Variants in DENND5A observed in about 807,000 individuals in gnomAD.
The protein encoded by DENND5A is DENN domain containing 5A, also known as DENN domain-containing protein 5A.
Under a neutral mutation model 140.3 loss-of-function variants are expected in DENND5A, and 64 were observed. The observed-to-expected ratio is 0.46, with a 90% confidence interval of 0.37 to 0.56. DENND5A has a LOEUF of 0.56. Among genes scored for constraint, DENND5A ranks in the 20% least tolerant of loss-of-function variants. The pLI, the probability that DENND5A is intolerant of heterozygous loss-of-function variation, is 0.00. For missense variants in DENND5A, 1,292 were observed against 1,593.8 expected (o/e 0.81, Z 3.22); for synonymous variants, 605 against 607.7 (o/e 1.00, Z 0.07).
intron 1 of DENND5A, chr11:9,242,692 A>T (rs1039459607): frequency 6.6e-6 from 1 of 152,280 alleles, no homozygotes; most frequent in Non-Finnish European, 1.5e-5. Flanking sequence ...TAACTTAAAT[A>T]TCATCTATGA....
At chr11:9,242,071 C>T (rs2136274486) in intron 1 of DENND5A, among the ~76,000 whole-genome samples, 1 of 151,702 alleles carries the variant, frequency 6.6e-6, no homozygotes, top group East Asian at 1.9e-4. Flanking sequence ...CCTAACATTC[C>T]TGATCCCATT....
At chr11:9,187,480 C>A (rs1848957050) in intron 5 of DENND5A, among the ~76,000 whole-genome samples, 1 of 152,160 alleles carries the variant, frequency 6.6e-6, no homozygotes, top group African/African-American at 2.4e-5. Context: ...CTCAAGGTCA[C>A]AATGATCTTT....
intron 5 of DENND5A, among the ~76,000 whole-genome samples, chr11:9,187,825 C>A (rs916671464): frequency 6.6e-6 from 1 of 152,214 alleles, no homozygotes; most frequent in Non-Finnish European, 1.5e-5. Flanking sequence ...TCAGGGCCAG[C>A]TGAGCTCATG....
intron 11 of DENND5A, among the ~76,000 whole-genome samples, chr11:9,164,876 G>C (rs1848132156): frequency 6.6e-6 from 1 of 152,206 alleles, no homozygotes; most frequent in East Asian, 1.9e-4. Flanking sequence ...TGTAACCCCA[G>C]CTACTCAGGA....
intron 4 of DENND5A, among the ~76,000 whole-genome samples, chr11:9,198,309 TA>T (rs762423564): frequency 5.1e-3 from 701 of 138,558 alleles, no homozygotes; most frequent in Admixed American, 5.4e-3. Context: ...CACTCCACTT[TA>T]AAAAAAAAAA....
At chr11:9,254,775 T>C (rs1851874603) in intron 1 of DENND5A, among the ~76,000 whole-genome samples, 1 of 152,152 alleles carries the variant, frequency 6.6e-6, no homozygotes, top group South Asian at 2.1e-4. Context: ...AGAAGTCTTA[T>C]TTAAAAGTCT....
At chr11:9,144,939 A>C in intron 18 of DENND5A, 56 bp downstream of exon 18, 1 of 1,265,416 alleles carries the variant, frequency 7.9e-7, no homozygotes, top group Non-Finnish European at 1.2e-6. Context: ...CAAGCATCGA[A>C]GAGCTCCTGT....
intron 4 of DENND5A, among the ~76,000 whole-genome samples, chr11:9,197,870 T>C (rs1236276246): frequency 1.3e-5 from 2 of 152,248 alleles, no homozygotes; most frequent in Non-Finnish European, 2.9e-5. Flanking sequence ...TTGTTTTAAT[T>C]ATATGCCTTA....
chr11:9,234,811 CTAGT>C (rs1488917709), intron 1 of DENND5A, among the ~76,000 whole-genome samples: 1 of 152,196 alleles, frequency 6.6e-6, no homozygotes, highest in African/African-American at 2.4e-5. Flanking sequence ...AGGAATACTG[CTAGT>C]TAATCTATAA....
At chr11:9,193,328 T>C (rs1311371136) in intron 5 of DENND5A, among the ~76,000 whole-genome samples, 166 bp downstream of exon 5, 1 of 152,256 alleles carries the variant, frequency 6.6e-6, no homozygotes, top group East Asian at 1.9e-4. Flanking sequence ...ATGACATAAA[T>C]TGAACTAAAT....
intron 4 of DENND5A, among the ~76,000 whole-genome samples, chr11:9,196,359 A>C (rs185734742): frequency 6.6e-6 from 1 of 152,172 alleles, no homozygotes; most frequent in Admixed American, 6.5e-5. Context: ...ATTTATGAAC[A>C]ATTATAAACT....
chr11:9,166,922 C>A (rs906266133), intron 10 of DENND5A, among the ~76,000 whole-genome samples: 1 of 151,958 alleles, frequency 6.6e-6, no homozygotes, highest in African/African-American at 2.4e-5. Flanking sequence ...AATCTCAAAT[C>A]TCTGAGTAAC....
intron 1 of DENND5A, 84 bp from the exon 2 acceptor site, chr11:9,207,716 A>G: frequency 1.0e-6 from 1 of 980,504 alleles, no homozygotes; most frequent in South Asian, 1.4e-5. Context: ...TACAAATTAC[A>G]TTTTACATTA....
chr11:9,250,135 C>A (rs189779443), intron 1 of DENND5A, among the ~76,000 whole-genome samples: 16 of 151,928 alleles, frequency 1.1e-4, no homozygotes, highest in Non-Finnish European at 2.1e-4. Flanking sequence ...CACAGCCAGC[C>A]CCCGAACTAC....
chr11:9,200,053 T>C (rs969363903), intron 4 of DENND5A, among the ~76,000 whole-genome samples: 2 of 152,182 alleles, frequency 1.3e-5, no homozygotes, highest in East Asian at 1.9e-4. Context: ...CTCAATTACA[T>C]TCAAACCTCC....
chr11:9,178,822 C>A (rs1848630896), intron 7 of DENND5A, 36 bp downstream of exon 7: 1 of 1,552,782 alleles, frequency 6.4e-7, no homozygotes, highest in South Asian at 1.1e-5. Flanking sequence ...GGCAAGTTCT[C>A]ATTCCTCACC....
intron 4 of DENND5A, among the ~76,000 whole-genome samples, chr11:9,202,233 A>AT (rs377616570): frequency 7.2e-5 from 11 of 152,354 alleles, no homozygotes; most frequent in African/African-American, 2.6e-4. Context: ...AATGCATGAT[A>AT]TGGCACTAGA....
At chr11:9,172,653 G>A (rs1205252352) in intron 8 of DENND5A, among the ~76,000 whole-genome samples, 1 of 152,144 alleles carries the variant, frequency 6.6e-6, no homozygotes, top group East Asian at 1.9e-4. Flanking sequence ...GTGAAGAGGT[G>A]CCTTCCACCA....
In DENND5A at chr11:9,206,795, G is replaced by C; in HGVS notation, c.182-13C>G. ...TCAAAATTTTCTCCTGTAAGAAAAA[G>C]AATGAAGTAAATCATTTCTACAAAA... On this transcript the variant is annotated splice_polypyrimidine_tract_variant and intron_variant, in intron 2 of 22. Coordinates refer to ENST00000328194, the MANE Select transcript of DENND5A (RefSeq NM_015213.4). 6.4e-7 allele frequency: 1 copy of C among 1,554,448 alleles called. No individual in the cohort carries two copies. Among genetic ancestry groups the C allele is most frequent in the Non-Finnish European group, 8.9e-7 (1 of 1,125,998 alleles).
Sources: allele counts gnomAD v4.1 joint callset (sites outside exome capture counted in the v4.1 genomes callset), GRCh38; gene constraint gnomAD v4.1.1; transcripts MANE v1.5; gene names NCBI Gene and HGNC (gene_info 2026-07-23, HGNC 2026-07-21).